The following SLC1A6 variants were observed in gnomAD, a reference collection of about 807,000 sequenced individuals.
The protein encoded by SLC1A6 is excitatory amino acid transporter 4.
A neutral mutation model predicts 42.1 loss-of-function variants in SLC1A6; 15 were observed. The ratio of observed to expected loss-of-function variants is 0.36; its 90% CI spans 0.24 to 0.55. The LOEUF (loss-of-function observed/expected upper bound fraction) is 0.55, where lower values mean the gene tolerates loss of function less well. Among genes scored for constraint, SLC1A6 ranks in the 20% least tolerant of loss-of-function variants. The pLI is 0.88. For synonymous variants in SLC1A6, 317 were observed against 319.7 expected (o/e 0.99, Z 0.09); for missense variants, 542 against 772.5 (o/e 0.70, Z 3.54).
At chr19:14,973,750 C>T (rs1207431724) in intron 1 of SLC1A6, 1 of 152,364 alleles carries the variant, frequency 6.6e-6, no homozygotes, top group African/African-American at 2.4e-5. Context: ...GGCTAGTCCC[C>T]CAAATTAGGA....
chr19:15,006,432 T>TA (rs1323334359), intron 1 of SLC1A6, among the ~76,000 whole-genome samples: 3 of 152,056 alleles, frequency 2.0e-5, no homozygotes, highest in African/African-American at 4.8e-5. Context: ...TTCCCAAGCC[T>TA]CCATCGCCAA....
Position 14,956,848 on chromosome 19 carries a change from A to C in SLC1A6, c.936-139T>G, listed in dbSNP as rs2045467584. The stretch of plus-strand genomic sequence containing the variant: ...ATGATACGGCACCCTACTCCATCCC[A>C]GTCTTCCCCGTACACTAATGAATGC... On this transcript the variant is annotated intron_variant, in intron 6 of 9. Coordinates refer to ENST00000594383, the MANE Select transcript of SLC1A6 (RefSeq NM_005071.3). 21 of 595,214 alleles carry C rather than the reference A, an allele frequency of 3.5e-5. 1 individual carries two copies. In the South Asian group the frequency reaches 4.2e-4, roughly 12 times the overall value. 36.9% of individuals were successfully genotyped at this position (595,214 alleles called of 1,614,324 possible).
At chr19:14,999,674 TAC>T (rs1485224165) in intron 1 of SLC1A6, among the ~76,000 whole-genome samples, 1 of 152,216 alleles carries the variant, frequency 6.6e-6, no homozygotes, top group African/African-American at 2.4e-5. Context: ...AATTTTCAAG[TAC>T]ACACAGTCTC....
intron 1 of SLC1A6, among the ~76,000 whole-genome samples, chr19:15,001,266 T>A (rs979643212): frequency 2.0e-5 from 3 of 152,106 alleles, no homozygotes; most frequent in Non-Finnish European, 4.4e-5. Context: ...AATTACAATC[T>A]GACAAGAGCT....
At chr19:14,997,796 G>A (rs1332511797) in intron 1 of SLC1A6, among the ~76,000 whole-genome samples, 1 of 152,188 alleles carries the variant, frequency 6.6e-6, no homozygotes, top group Non-Finnish European at 1.5e-5. Context: ...AGTCTTGGAA[G>A]GCAGAAGTCT....
chr19:14,955,436 C>CA (rs374921005), intron 7 of SLC1A6, among the ~76,000 whole-genome samples: 6,268 of 150,898 alleles, frequency 0.042, 282 homozygotes, highest in African/African-American at 0.099. Context: ...ACAACAACAA[C>CA]AAAAAAAACT....
chr19:14,950,069 T>TC lies in SLC1A6; in HGVS notation c.*125dup. 2 of 572,554 alleles carry TC rather than the reference T, an allele frequency of 3.5e-6. No homozygotes were observed. The highest frequency in any genetic ancestry group is 3.1e-5 in the East Asian group (1 of 32,278). 35.5% of individuals were successfully genotyped at this position (572,554 alleles called of 1,614,324 possible). On this transcript the variant is annotated 3_prime_UTR_variant, in exon 10 of 10. Transcript: ENST00000594383. ...CCTGCTCCTTTATTTCACTTTTCCC[T>TC]CCCCCCTAAATGAGTCAAGCAGAAC...
rs2045645658 is a variant in SLC1A6 at position 14,971,988 on chromosome 19, C to G, written c.206-114G>C. The G allele has an allele frequency of 3.1e-6, 3 of 962,700 alleles. No homozygotes were observed. The African/African-American group carries it at 4.9e-5, about 16-fold the overall frequency. The allele number at this position is 962,700 out of a possible 1,614,324, so 59.6% of individuals were successfully genotyped here. Reference sequence around the variant, plus strand: ...GGTGGGAGTGAGGGAGAGAAATATCCTATGAGTGTGTGTATTTGTGTGTGC... The same window carrying G: ...GGTGGGAGTGAGGGAGAGAAATATCGTATGAGTGTGTGTATTTGTGTGTGC... On this transcript the variant is annotated intron_variant, in intron 2 of 9. Coordinates refer to ENST00000594383, the MANE Select transcript of SLC1A6 (RefSeq NM_005071.3).
chr19:14,951,582 T>C (rs1211811768), intron 9 of SLC1A6, among the ~76,000 whole-genome samples: 1 of 151,966 alleles, frequency 6.6e-6, no homozygotes, highest in Admixed American at 6.6e-5. Context: ...AGTGGTGCGA[T>C]CTCGGCTCAC....
At chr19:14,960,274 A>G (rs2045497991) in intron 6 of SLC1A6, among the ~76,000 whole-genome samples, 1 of 152,246 alleles carries the variant, frequency 6.6e-6, no homozygotes, top group South Asian at 2.1e-4. Flanking sequence ...TAACAAATGC[A>G]TAGATGAATG....
At chr19:14,995,352 AG>A (rs58283923) in intron 1 of SLC1A6, among the ~76,000 whole-genome samples, 7,056 of 126,528 alleles carry the variant, frequency 0.056, 488 homozygotes, top group African/African-American at 0.071. Context: ...AAAGAAAGAA[AG>A]AAAGAAAGAA....
At chr19:15,004,402 T>C (rs764277890) in intron 1 of SLC1A6, among the ~76,000 whole-genome samples, 1 of 151,898 alleles carries the variant, frequency 6.6e-6, no homozygotes, top group Non-Finnish European at 1.5e-5. Context: ...TATCTCTGGA[T>C]AGTAAAACAA....
At chr19:14,993,796 G>A (rs946919594) in intron 1 of SLC1A6, among the ~76,000 whole-genome samples, 2 of 152,210 alleles carry the variant, frequency 1.3e-5, no homozygotes, top group Non-Finnish European at 2.9e-5. Flanking sequence ...CTTCAGCTGA[G>A]TGCTTGCAGA....
chr19:14,992,014 C>T lies in SLC1A6; in HGVS notation c.6+18471G>A, dbSNP rs190313142. 2.1e-3 allele frequency among the ~76,000 whole-genome samples: 323 copies of T among 152,042 alleles called. 2 individuals are homozygous for T. The highest frequency in any genetic ancestry group is 7.1e-3 in the African/African-American group (295 of 41,510). On this transcript the variant is annotated intron_variant, in intron 1 of 8. Coordinates refer to the SLC1A6 transcript ENST00000430939. ...CTAATTTTTGTATTTTTAGTAGAGA[C>T]GGGGTTTCACCATGTTGGGCAGGCT...
intron 1 of SLC1A6, among the ~76,000 whole-genome samples, chr19:14,975,840 G>C (rs1193091400): frequency 6.9e-6 from 1 of 143,964 alleles, no homozygotes; most frequent in Non-Finnish European, 1.5e-5. Context: ...GGGAAGGGAA[G>C]GGGACAAAGG....
chr19:14,963,234 T>C (rs2045535507), intron 5 of SLC1A6, among the ~76,000 whole-genome samples: 1 of 152,168 alleles, frequency 6.6e-6, no homozygotes, highest in South Asian at 2.1e-4. Context: ...CTCTCACTTA[T>C]ATGTGAAATT....
At chr19:15,002,980 T>TGTTGTTGTTGTTGTA (rs2045879355) in intron 1 of SLC1A6, among the ~76,000 whole-genome samples, 3 of 152,022 alleles carry the variant, frequency 2.0e-5, no homozygotes, top group Non-Finnish European at 4.4e-5. Flanking sequence ...TTGTTGTTGT[T>TGTTGTTGTTGTTGTA]GTTGTTATTT....
At chr19:14,975,886 G>GACA (rs2045704145) in intron 1 of SLC1A6, among the ~76,000 whole-genome samples, 1 of 53,154 alleles carries the variant, frequency 1.9e-5, no homozygotes, top group South Asian at 7.8e-4. Flanking sequence ...GAAGGGAAGG[G>GACA]AAGGGAAGGA....
At chr19:14,951,078 CAAAAAAA>C (rs59828742) in intron 9 of SLC1A6, among the ~76,000 whole-genome samples, 7 of 79,784 alleles carry the variant, frequency 8.8e-5, no homozygotes, top group East Asian at 7.7e-4. Context: ...ACTAAAAATA[CAAAAAAA>C]AAAAAAAAAA....
Sources: gnomAD v4.1 joint callset for allele counts (sites outside exome capture counted in the v4.1 genomes callset) on GRCh38, gnomAD v4.1.1 for gene constraint, MANE v1.5 for transcripts, NCBI Gene and HGNC (gene_info 2026-07-23, HGNC 2026-07-21) for gene names.